Variants in SLC18A2 observed in about 807,000 individuals in gnomAD.
SLC18A2 encodes solute carrier family 18 member A2, also known as synaptic vesicular amine transporter.
A neutral mutation model predicts 59.2 loss-of-function variants in SLC18A2; 33 were observed. The ratio of observed to expected loss-of-function variants is 0.56; its 90% CI spans 0.42 to 0.75. SLC18A2 has a LOEUF of 0.75. Among genes scored for constraint, SLC18A2 ranks in the 30% least tolerant of loss-of-function variants. The pLI, the probability that SLC18A2 is intolerant of heterozygous loss-of-function variation, is 0.00. For missense variants in SLC18A2, 569 were observed against 668.6 expected (o/e 0.85, Z 1.64); for synonymous variants, 228 against 253.5 (o/e 0.90, Z 0.95).
At chr10:117,254,808 G>C (rs957686680) in intron 6 of SLC18A2, among the ~76,000 whole-genome samples, 3 of 152,200 alleles carry the variant, frequency 2.0e-5, no homozygotes, top group African/African-American at 7.2e-5. Context: ...TGATCACGGA[G>C]AACCTTGCTT....
intron 3 of SLC18A2, among the ~76,000 whole-genome samples, chr10:117,252,961 A>G (rs1844181139): frequency 6.6e-6 from 1 of 152,184 alleles, no homozygotes. Context: ...AGATCTTAAC[A>G]TCTTGCTTCC....
rs1453762418 is a variant in SLC18A2 at position 117,278,468 on chromosome 10, A to G, written c.*1202A>G. 1 of 152,244 alleles carries G rather than the reference A, an allele frequency of 6.6e-6. No homozygotes were observed. Among genetic ancestry groups the G allele is most frequent in the African/African-American group, 2.4e-5 (1 of 41,464 alleles). The allele number at this position is 152,244 out of a possible 1,614,324, so 9.4% of individuals were successfully genotyped here. A position where few individuals can be genotyped will look rare whatever the true frequency, so the allele number is the denominator to read the frequency against. On this transcript the variant is annotated 3_prime_UTR_variant, in exon 16 of 16. Coordinates refer to ENST00000644641, the MANE Select transcript of SLC18A2 (RefSeq NM_003054.6). ...TGTGTATTTTTCTAAGCATGACAAC[A>G]TTGATGTGCCTTTTCAGTGTAACAG...
intron 1 of SLC18A2, 21 bp from the exon 2 acceptor site, chr10:117,241,658 C>T (rs1415786827): frequency 1.3e-6 from 2 of 1,543,252 alleles, no homozygotes; most frequent in Non-Finnish European, 1.7e-6. Flanking sequence ...CTTGGGTCCT[C>T]ACCGCGCACC....
chr10:117,266,588 G>T (rs1589984025), intron 10 of SLC18A2, 145 bp from the exon 11 acceptor site: 1 of 661,732 alleles, frequency 1.5e-6, no homozygotes, highest in Non-Finnish European at 2.6e-6. Flanking sequence ...GGATCCGGCA[G>T]GCGCCGGATA....
chr10:117,251,183 A>G (rs940381665), intron 3 of SLC18A2, among the ~76,000 whole-genome samples: 6 of 152,200 alleles, frequency 3.9e-5, no homozygotes, highest in African/African-American at 7.2e-5. Context: ...TTCCAAATAT[A>G]TATTGAACAG....
At chr10:117,260,400 G>GGAA (rs1172779629) in intron 10 of SLC18A2, among the ~76,000 whole-genome samples, 5 of 152,194 alleles carry the variant, frequency 3.3e-5, no homozygotes, top group Non-Finnish European at 5.9e-5. Flanking sequence ...ATTTGCAGGT[G>GGAA]GAAGATTCCA....
chr10:117,259,584 C>A (rs1442448000), intron 10 of SLC18A2, among the ~76,000 whole-genome samples: 2 of 152,220 alleles, frequency 1.3e-5, no homozygotes, highest in Non-Finnish European at 2.9e-5. Flanking sequence ...AAATATTTTA[C>A]CCTTATCCTA....
At chr10:117,255,244 CA>C (rs2133734122) in intron 6 of SLC18A2, 32 bp from the exon 7 acceptor site, 1 of 1,582,826 alleles carries the variant, frequency 6.3e-7, no homozygotes, top group East Asian at 2.2e-5. Context: ...GCATGTGTCC[CA>C]GGGGTGGTGT....
chr10:117,246,933 C>T (rs181595650), intron 3 of SLC18A2, among the ~76,000 whole-genome samples: 315 of 152,306 alleles, frequency 2.1e-3, no homozygotes, highest in Admixed American at 3.9e-3. Context: ...GGATTACAGG[C>T]GTGAGCCACC....
At chr10:117,265,349 G>T (rs1272868429) in intron 10 of SLC18A2, among the ~76,000 whole-genome samples, 1 of 152,108 alleles carries the variant, frequency 6.6e-6, no homozygotes, top group African/African-American at 2.4e-5. Context: ...GTGGCCAGCT[G>T]CTGGGATGAG....
intron 2 of SLC18A2, 93 bp downstream of exon 2, chr10:117,241,907 G>T (rs1047683221): frequency 4.0e-6 from 5 of 1,263,424 alleles, no homozygotes; most frequent in Non-Finnish European, 5.3e-6. Context: ...CCGGAGCTCC[G>T]CCAAGGCCCG....
chr10:117,273,950 A>G (rs1185537877), intron 15 of SLC18A2, among the ~76,000 whole-genome samples: 4 of 152,142 alleles, frequency 2.6e-5, no homozygotes, highest in East Asian at 1.9e-4. Context: ...TCAAATGCCA[A>G]TCCTCTCCTA....
At chr10:117,264,914 C>A (rs1342576082) in intron 10 of SLC18A2, among the ~76,000 whole-genome samples, 1 of 152,138 alleles carries the variant, frequency 6.6e-6, no homozygotes, top group Non-Finnish European at 1.5e-5. Context: ...GAGCATGACA[C>A]CTGTGTTTTT....
At chr10:117,267,853 C>A in intron 13 of SLC18A2, 117 bp downstream of exon 13, 7 of 684,830 alleles carry the variant, frequency 1.0e-5, no homozygotes, top group Admixed American at 2.4e-5. Flanking sequence ...TAGAAGGAGG[C>A]TGCAGGCAGC....
At chr10:117,276,673 C>A (rs1381211923) in intron 15 of SLC18A2, among the ~76,000 whole-genome samples, 3 of 137,824 alleles carry the variant, frequency 2.2e-5, no homozygotes, top group Non-Finnish European at 3.2e-5. Flanking sequence ...GAACCAGATT[C>A]ATGAATGCAA....
intron 15 of SLC18A2, among the ~76,000 whole-genome samples, chr10:117,272,494 C>A (rs562111650): frequency 6.6e-6 from 1 of 152,222 alleles, no homozygotes; most frequent in African/African-American, 2.4e-5. Flanking sequence ...CACTGTGTTC[C>A]GCAGAAGGAC....
chr10:117,254,060 C>G lies in SLC18A2; in HGVS notation c.536C>G (p.Ser179Cys). ...CCTCTCTCGGCAGTGTTTGCCTTCT[C>G]CAGCAGCTATGCCTTCCTGCTGATT... Reference protein sequence around the residue: ...MFVSTIMFAFSSSYAFLLIAR... With the variant: ...MFVSTIMFAFCSSYAFLLIAR... Residue 179 changes from serine to cysteine, a missense_variant, in exon 5 of 16, where the codon TCC becomes TGC. This residue lies in a region of SLC18A2 where 377 missense variants were observed against 389.8 expected (regional missense o/e 0.97). Coordinates refer to ENST00000644641, the MANE Select transcript of SLC18A2 (RefSeq NM_003054.6). The G allele has an allele frequency of 6.2e-7, 1 of 1,613,564 alleles. No individual in the cohort carries two copies. Among genetic ancestry groups the G allele is most frequent in the Non-Finnish European group, 8.5e-7 (1 of 1,180,028 alleles).
At chr10:117,249,255 G>A (rs1187209293) in intron 3 of SLC18A2, among the ~76,000 whole-genome samples, 1 of 152,184 alleles carries the variant, frequency 6.6e-6, no homozygotes, top group Non-Finnish European at 1.5e-5. Flanking sequence ...AACTGGCTGT[G>A]GAATTAGAAC....
chr10:117,253,337 A>C (rs950840456), intron 3 of SLC18A2, 62 bp from the exon 4 acceptor site: 27 of 1,260,720 alleles, frequency 2.1e-5, no homozygotes, highest in Admixed American at 3.4e-5. Context: ...GCGAAAATCA[A>C]TATAAAGCCT....
Sources: gnomAD v4.1 joint callset for allele counts (sites outside exome capture counted in the v4.1 genomes callset) on GRCh38, gnomAD v4.1.1 for gene constraint, gnomAD v4.1.1 regional missense constraint, MANE v1.5 for transcripts, NCBI Gene and HGNC (gene_info 2026-07-23, HGNC 2026-07-21) for gene names.